Variants in LINC01488 observed in about 807,000 individuals in gnomAD.
The protein encoded by LINC01488 is CCND1-upstream intergenic DNA repair 1.
chr11:69,485,551 CTCTGGCTTGCTGCAGAGGTGCCTTTTG>C (rs1383286732), intron 1 of LINC01488: 1 of 152,456 alleles, frequency 6.6e-6, no homozygotes, highest in Non-Finnish European at 1.5e-5. Context: ...TGGCCATAGG[CTCTGGCTTGCTGCAGAGGTGCCTTTTG>C]TCTGGCAAGG....
Position 69,484,424 on chromosome 11 carries a change from C to A in LINC01488, n.122+2641C>A, listed in dbSNP as rs562248514. 1.8e-4 allele frequency among the ~76,000 whole-genome samples: 28 copies of A among 152,354 alleles called. No individual in the cohort carries two copies. The South Asian group carries it at 5.6e-3, about 30-fold the overall frequency. ...CCATGCACCTGCTTCTTGTCCACCT[C>A]CAGAAGGGTGTTGCCTTCTGCACAT... On this transcript the variant is annotated intron_variant and non_coding_transcript_variant, in intron 1 of 3. Transcript: ENST00000644563.
chr11:69,487,533 C>T (rs1370429909), intron 1 of LINC01488, among the ~76,000 whole-genome samples: 2 of 152,188 alleles, frequency 1.3e-5, no homozygotes, highest in East Asian at 3.9e-4. Context: ...CAGGAAGGGG[C>T]CGTGTGGTGT....
chr11:69,488,900 G>A lies in LINC01488; in HGVS notation n.123-1595G>A, dbSNP rs677663. ...CCCTGCACAGCCGTAGCCTTGACAC[G>A]CGTCTCTCCTTCCTGAGCCTTGGTT... On this transcript the variant is annotated intron_variant and non_coding_transcript_variant, in intron 1 of 3. Transcript: ENST00000644563. 9.1e-4 allele frequency among the ~76,000 whole-genome samples: 139 copies of A among 152,326 alleles called. 2 individuals carry two copies. The East Asian group carries it at 0.016, about 18-fold the overall frequency.
chr11:69,488,733 C>T (rs1020288821), intron 1 of LINC01488, among the ~76,000 whole-genome samples: 1 of 152,218 alleles, frequency 6.6e-6, no homozygotes, highest in Non-Finnish European at 1.5e-5. Context: ...CCAGGCCTTC[C>T]AGTCTGAGAA....
At chr11:69,491,739 A>G (rs75214256) in intron 3 of LINC01488, 2,353 of 152,576 alleles carry the variant, frequency 0.015, 24 homozygotes, top group Middle Eastern at 0.037. Context: ...GCCCTGCTCT[A>G]TCAGCAAACT....
chr11:69,490,316 G>A (rs977203637), intron 1 of LINC01488, among the ~76,000 whole-genome samples: 7 of 152,320 alleles, frequency 4.6e-5, no homozygotes, highest in Middle Eastern at 3.4e-3. Flanking sequence ...TGGGATCTGG[G>A]GCGTACACAG....
intron 1 of LINC01488, among the ~76,000 whole-genome samples, chr11:69,482,975 G>A (rs972538372): frequency 2.6e-5 from 4 of 152,320 alleles, no homozygotes; most frequent in Non-Finnish European, 4.4e-5. Flanking sequence ...GATTACATCT[G>A]TAAAGATCCT....
chr11:69,483,701 C>A (rs570483843), intron 1 of LINC01488, among the ~76,000 whole-genome samples: 1 of 152,302 alleles, frequency 6.6e-6, no homozygotes, highest in South Asian at 2.1e-4. Flanking sequence ...CCAGCCGCAC[C>A]CCATTTTATG....
intron 1 of LINC01488, chr11:69,490,434 C>A (rs1338446616): frequency 6.6e-6 from 1 of 152,308 alleles, no homozygotes; most frequent in East Asian, 1.9e-4. Context: ...CCTCCTATGG[C>A]TCCCCAGTGC....
At chr11:69,491,001 T>G (rs1213618296) in intron 2 of LINC01488, 1 of 152,136 alleles carries the variant, frequency 6.6e-6, no homozygotes, top group Non-Finnish European at 1.5e-5. Flanking sequence ...CCAGCCATCG[T>G]TTCTTTTTTA....
chr11:69,489,266 C>G (rs940745501), intron 1 of LINC01488, among the ~76,000 whole-genome samples: 1 of 152,098 alleles, frequency 6.6e-6, no homozygotes, highest in Non-Finnish European at 1.5e-5. Context: ...ACCTGCTCCC[C>G]ACTTGGAGCT....
At chr11:69,484,769 C>A (rs4980659) in intron 1 of LINC01488, among the ~76,000 whole-genome samples, 3 of 152,092 alleles carry the variant, frequency 2.0e-5, no homozygotes, top group Non-Finnish European at 4.4e-5. Flanking sequence ...ACTCCTGGGG[C>A]CTCGTCTTCA....
At chr11:69,481,833 A>C (rs1857050685) in intron 1 of LINC01488, 1 of 152,192 alleles carries the variant, frequency 6.6e-6, no homozygotes, top group African/African-American at 2.4e-5. Flanking sequence ...ATAGGGAGGG[A>C]GGTGGGTGAA....
At chr11:69,484,248 T>TG (rs1857080148) in intron 1 of LINC01488, among the ~76,000 whole-genome samples, 1 of 152,030 alleles carries the variant, frequency 6.6e-6, no homozygotes, top group African/African-American at 2.4e-5. Context: ...CAGGAGGTCA[T>TG]GGGAGAAGGA....
chr11:69,489,472 C>T (rs1398437158), intron 1 of LINC01488, among the ~76,000 whole-genome samples: 1 of 152,258 alleles, frequency 6.6e-6, no homozygotes, highest in African/African-American at 2.4e-5. Flanking sequence ...GACCCCAAAC[C>T]TCCAGCGCGA....
At chr11:69,483,350 G>A (rs893623122) in intron 1 of LINC01488, among the ~76,000 whole-genome samples, 2 of 152,308 alleles carry the variant, frequency 1.3e-5, no homozygotes, top group Admixed American at 6.5e-5. Context: ...CTTATCAGCT[G>A]TGTGTCTTTG....
intron 1 of LINC01488, among the ~76,000 whole-genome samples, chr11:69,485,083 G>C (rs1309185661): frequency 6.6e-6 from 1 of 152,208 alleles, no homozygotes; most frequent in Non-Finnish European, 1.5e-5. Context: ...ACTGCGTATG[G>C]GAAGTGGGGG....
At chr11:69,486,173 A>G (rs1399087706) in intron 1 of LINC01488, 1 of 152,246 alleles carries the variant, frequency 6.6e-6, no homozygotes, top group East Asian at 1.9e-4. Context: ...ACTGTGGGTC[A>G]CTGCAGCCCC....
At chr11:69,488,575 AG>A (rs1257300152) in intron 1 of LINC01488, among the ~76,000 whole-genome samples, 2 of 152,220 alleles carry the variant, frequency 1.3e-5, no homozygotes, top group East Asian at 3.9e-4. Flanking sequence ...CCTGCTGGGC[AG>A]GGGCAGTTAA....
Sources: allele counts gnomAD v4.1 joint callset (sites outside exome capture counted in the v4.1 genomes callset), GRCh38; gene constraint gnomAD v4.1.1; transcripts MANE v1.5; gene names NCBI Gene and HGNC (gene_info 2026-07-23, HGNC 2026-07-21).